CSNK2A2IP: variants seen among roughly 807,000 people sequenced by gnomAD.
CSNK2A2IP encodes casein kinase 2 subunit alpha' interacting protein, also known as casein kinase II subunit alpha'-interacting protein.
the CSNK2A2IP span, among the ~76,000 whole-genome samples, chr3:88,463,617 A>T: frequency 6.6e-6 from 1 of 152,162 alleles, no homozygotes; most frequent in African/African-American, 2.4e-5. Context: ...ATCTCACACC[A>T]GTTAGAATGG....
At chr3:88,351,026 A>T in the CSNK2A2IP span, among the ~76,000 whole-genome samples, 1 of 152,176 alleles carries the variant, frequency 6.6e-6, no homozygotes, top group Non-Finnish European at 1.5e-5. Flanking sequence ...CTCAACACAG[A>T]ATTCTGGATT....
At chr3:88,374,371 A>G in the CSNK2A2IP span, among the ~76,000 whole-genome samples, 4 of 151,568 alleles carry the variant, frequency 2.6e-5, no homozygotes, top group South Asian at 6.2e-4. Context: ...ATGGAATGGT[A>G]TTGTCTTTAG....
At chr3:88,369,143 C>G in the CSNK2A2IP span, among the ~76,000 whole-genome samples, 1 of 151,854 alleles carries the variant, frequency 6.6e-6, no homozygotes, top group Non-Finnish European at 1.5e-5. Context: ...GGTTAGGCAA[C>G]CTATTGATTA....
chr3:88,351,406 CT>C, the CSNK2A2IP span, among the ~76,000 whole-genome samples: 1 of 151,868 alleles, frequency 6.6e-6, no homozygotes, highest in Non-Finnish European at 1.5e-5. Flanking sequence ...ATGTTAATTT[CT>C]TTTTTTCCTA....
chr3:88,434,710 C>G, the CSNK2A2IP span, among the ~76,000 whole-genome samples: 12 of 152,166 alleles, frequency 7.9e-5, no homozygotes, highest in Non-Finnish European at 1.5e-4. Context: ...ACAGTTATTT[C>G]AAGGTAGAGT....
chr3:88,358,362 A>G, the CSNK2A2IP span, among the ~76,000 whole-genome samples: 3 of 152,214 alleles, frequency 2.0e-5, no homozygotes, highest in South Asian at 6.2e-4. Context: ...AAGACTTCCA[A>G]TACTATAGTG....
chr3:88,464,813 T>C, the CSNK2A2IP span, among the ~76,000 whole-genome samples: 1 of 152,236 alleles, frequency 6.6e-6, no homozygotes, highest in Non-Finnish European at 1.5e-5. Context: ...ATTGAGCATC[T>C]ATAATATCTT....
chr3:88,421,571 C>T, the CSNK2A2IP span, among the ~76,000 whole-genome samples: 29 of 152,164 alleles, frequency 1.9e-4, no homozygotes, highest in African/African-American at 3.4e-4. Context: ...CATGCCACCA[C>T]GCCTGGCTAA....
At chr3:88,440,237 T>C in the CSNK2A2IP span, among the ~76,000 whole-genome samples, 7 of 152,202 alleles carry the variant, frequency 4.6e-5, no homozygotes. Context: ...ATGCAGAGAA[T>C]GTTAGTGGCA....
At chr3:88,344,966 T>G in the CSNK2A2IP span, among the ~76,000 whole-genome samples, 3 of 152,008 alleles carry the variant, frequency 2.0e-5, no homozygotes, top group Admixed American at 1.3e-4. Context: ...TTCTTTAATC[T>G]TTTCAGCAGT....
chr3:88,461,278 G>A, the CSNK2A2IP span, among the ~76,000 whole-genome samples: 11 of 152,094 alleles, frequency 7.2e-5, no homozygotes, highest in South Asian at 1.7e-3. Flanking sequence ...TTTAGGTCAG[G>A]TACAGTGGCT....
the CSNK2A2IP span, among the ~76,000 whole-genome samples, chr3:88,438,625 G>C: frequency 6.6e-6 from 1 of 152,026 alleles, no homozygotes; most frequent in Non-Finnish European, 1.5e-5. Flanking sequence ...ATCCAGACAG[G>C]CCTCACCAGG....
At chr3:88,381,829 C>A in the CSNK2A2IP span, among the ~76,000 whole-genome samples, 3 of 152,148 alleles carry the variant, frequency 2.0e-5, no homozygotes, top group African/African-American at 7.2e-5. Context: ...ATGTTTATGG[C>A]ATTAATTGTC....
the CSNK2A2IP span, among the ~76,000 whole-genome samples, chr3:88,457,271 T>A: frequency 1.1e-3 from 163 of 152,218 alleles, no homozygotes; most frequent in Non-Finnish European, 2.0e-3. Context: ...TGTTTTCCTA[T>A]GAAAAGACTG....
the CSNK2A2IP span, among the ~76,000 whole-genome samples, chr3:88,445,199 C>T: frequency 6.2e-5 from 9 of 144,094 alleles, no homozygotes; most frequent in South Asian, 8.7e-4. Flanking sequence ...GACGCTGAGG[C>T]GGGAGAATCA....
chr3:88,382,908 A>G, the CSNK2A2IP span: 2 of 152,214 alleles, frequency 1.3e-5, no homozygotes, highest in African/African-American at 2.4e-5. Flanking sequence ...TCTGAGCTTC[A>G]ATTTTCTATT....
the CSNK2A2IP span, among the ~76,000 whole-genome samples, chr3:88,461,125 C>T: frequency 1.4e-4 from 22 of 151,958 alleles, no homozygotes; most frequent in East Asian, 3.9e-3. Context: ...GTAGTTGTAT[C>T]GTGCTATATA....
the CSNK2A2IP span, among the ~76,000 whole-genome samples, chr3:88,454,058 A>G: frequency 6.6e-6 from 1 of 152,058 alleles, no homozygotes; most frequent in Non-Finnish European, 1.5e-5. Context: ...CCAGCAGTGT[A>G]TGAGAGTTTC....
the CSNK2A2IP span, among the ~76,000 whole-genome samples, chr3:88,388,451 C>T: frequency 6.6e-6 from 1 of 152,136 alleles, no homozygotes; most frequent in African/African-American, 2.4e-5. Context: ...ATGTTACAGT[C>T]TTTGGTCAGA....
Sources: allele counts gnomAD v4.1 joint callset (sites outside exome capture counted in the v4.1 genomes callset), GRCh38; gene constraint gnomAD v4.1.1; transcripts MANE v1.5; gene names NCBI Gene and HGNC (gene_info 2026-07-23, HGNC 2026-07-21).